The following RABGAP1L variants were observed in gnomAD, a reference collection of about 807,000 sequenced individuals.
RABGAP1L encodes RAB GTPase activating protein 1 like.
Under a neutral mutation model 137.7 loss-of-function variants are expected in RABGAP1L, and 63 were observed. The ratio of observed to expected loss-of-function variants is 0.46; its 90% CI spans 0.37 to 0.56. The LOEUF (loss-of-function observed/expected upper bound fraction) is 0.56. RABGAP1L is among the 20% of genes least tolerant of loss of function. The pLI is 0.00. For missense variants in RABGAP1L, 1,095 were observed against 1,244.0 expected, an observed-to-expected ratio of 0.88 and a Z score of 1.80; for synonymous variants, 431 against 433.7, an observed-to-expected ratio of 0.99 and a Z score of 0.08.
chr1:174,706,468 C>T (rs1007934225), intron 17 of RABGAP1L, among the ~76,000 whole-genome samples: 6 of 151,978 alleles, frequency 3.9e-5, no homozygotes, highest in African/African-American at 1.4e-4. Context: ...TTATTATCTG[C>T]CTTTATCTGT....
At chr1:174,224,393 C>T (rs1011857472) in intron 3 of RABGAP1L, among the ~76,000 whole-genome samples, 2 of 151,970 alleles carry the variant, frequency 1.3e-5, no homozygotes, top group Admixed American at 1.3e-4. Flanking sequence ...TGGCTTGAAC[C>T]CAGGAGGCGG....
chr1:174,391,580 G>A (rs1020043516), intron 12 of RABGAP1L, among the ~76,000 whole-genome samples: 13 of 152,088 alleles, frequency 8.5e-5, no homozygotes, highest in African/African-American at 2.7e-4. Flanking sequence ...GGGCTCAAAC[G>A]ATCCGCCTGC....
chr1:174,716,216 T>A (rs904219622), intron 17 of RABGAP1L, among the ~76,000 whole-genome samples: 2 of 152,198 alleles, frequency 1.3e-5, no homozygotes, highest in African/African-American at 4.8e-5. Flanking sequence ...AATCCACCGA[T>A]AGGGAGGGCA....
At position 174,496,357 on chromosome 1, in the gene RABGAP1L, G is replaced by A. The variant is rs1013047369; in HGVS notation, c.1710+102212G>A. Among the ~76,000 whole-genome samples, 4 of 152,154 alleles carry A rather than the reference G, an allele frequency of 2.6e-5. No individual in the cohort carries two copies. In the East Asian group the frequency reaches 7.7e-4, roughly 29 times the overall value. On this transcript the variant is annotated intron_variant, in intron 13 of 25. Coordinates refer to ENST00000681986, the MANE Select transcript of RABGAP1L (RefSeq NM_001366446.1). ...AAACAGGGAGGTATTGACAGTGATA[G>A]TGATAGTAATAGTGAAAACAGTCAG...
chr1:174,819,374 T>C (rs1690783709), intron 19 of RABGAP1L, among the ~76,000 whole-genome samples: 2 of 151,986 alleles, frequency 1.3e-5, no homozygotes, highest in Non-Finnish European at 2.9e-5. Flanking sequence ...AATTTCTTCT[T>C]TGAGCACCTA....
At chr1:174,600,885 C>T (rs1025049671) in intron 13 of RABGAP1L, among the ~76,000 whole-genome samples, 2 of 152,234 alleles carry the variant, frequency 1.3e-5, no homozygotes, top group African/African-American at 4.8e-5. Flanking sequence ...CCCCTGTGGG[C>T]ACTGCCTGTG....
chr1:174,789,042 T>G (rs1007598885), intron 18 of RABGAP1L, among the ~76,000 whole-genome samples: 1 of 152,060 alleles, frequency 6.6e-6, no homozygotes, highest in Non-Finnish European at 1.5e-5. Flanking sequence ...TTCTTCTCTT[T>G]CCTGAAGTAG....
chr1:174,941,335 A>G (rs1665830911), intron 19 of RABGAP1L, among the ~76,000 whole-genome samples: 1 of 152,204 alleles, frequency 6.6e-6, no homozygotes, highest in Non-Finnish European at 1.5e-5. Flanking sequence ...TGGCATTGGA[A>G]ATACCCTAAT....
At chr1:174,254,846 T>C (rs1672986936) in intron 7 of RABGAP1L, among the ~76,000 whole-genome samples, 1 of 152,340 alleles carries the variant, frequency 6.6e-6, no homozygotes, top group South Asian at 2.1e-4. Context: ...CCTTCAGGTA[T>C]ATACGCAGTA....
chr1:174,795,502 CTTTGT>C (rs1688180299), intron 18 of RABGAP1L, among the ~76,000 whole-genome samples: 1 of 152,132 alleles, frequency 6.6e-6, no homozygotes, highest in South Asian at 2.1e-4. Context: ...AGTCCTTTTC[CTTTGT>C]TTTATCACTT....
chr1:174,675,565 G>A (rs1018100922), intron 14 of RABGAP1L, among the ~76,000 whole-genome samples: 37 of 151,810 alleles, frequency 2.4e-4, no homozygotes, highest in East Asian at 2.1e-3. Flanking sequence ...TTGACTTGGC[G>A]ATGCGGGCTC....
At chr1:174,474,416 T>C (rs956049136) in intron 13 of RABGAP1L, among the ~76,000 whole-genome samples, 13 of 152,332 alleles carry the variant, frequency 8.5e-5, no homozygotes, top group Admixed American at 3.9e-4. Context: ...TACTTCCTTC[T>C]TACTACCTCT....
intron 19 of RABGAP1L, among the ~76,000 whole-genome samples, chr1:174,829,492 A>G (rs1053327592): frequency 2.0e-5 from 3 of 148,404 alleles, no homozygotes; most frequent in African/African-American, 7.4e-5. Flanking sequence ...GATGTTGTGG[A>G]TAACCAGATG....
At chr1:174,950,863 C>T (rs945798873) in intron 19 of RABGAP1L, among the ~76,000 whole-genome samples, 3 of 152,048 alleles carry the variant, frequency 2.0e-5, no homozygotes, top group African/African-American at 7.2e-5. Flanking sequence ...GTCATATCAG[C>T]CTTTAAAAAA....
intron 15 of RABGAP1L, among the ~76,000 whole-genome samples, chr1:174,691,854 G>A (rs952387112): frequency 2.6e-5 from 4 of 151,958 alleles, no homozygotes; most frequent in Non-Finnish European, 5.9e-5. Flanking sequence ...AGGTACCACC[G>A]TACTACCTCG....
chr1:174,573,191 G>A (rs2148056481), intron 13 of RABGAP1L, among the ~76,000 whole-genome samples: 1 of 150,510 alleles, frequency 6.6e-6, no homozygotes, highest in Admixed American at 6.6e-5. Context: ...TACACTATAT[G>A]TGTGTGTATA....
intron 13 of RABGAP1L, among the ~76,000 whole-genome samples, chr1:174,566,870 A>G (rs905855508): frequency 1.3e-5 from 2 of 152,104 alleles, no homozygotes; most frequent in Admixed American, 6.6e-5. Flanking sequence ...AAGAGTATGA[A>G]ACAACTATGT....
At chr1:174,763,248 G>A (rs532154904) in intron 18 of RABGAP1L, among the ~76,000 whole-genome samples, 1 of 152,206 alleles carries the variant, frequency 6.6e-6, no homozygotes, top group East Asian at 1.9e-4. Flanking sequence ...GCTGGGTGTG[G>A]TGGCTCATGC....
At chr1:174,601,957 G>C (rs544176475) in intron 13 of RABGAP1L, among the ~76,000 whole-genome samples, 1 of 152,180 alleles carries the variant, frequency 6.6e-6, no homozygotes, top group East Asian at 1.9e-4. Flanking sequence ...CTGAGACCAC[G>C]TAAGCCTGGA....
Sources: gnomAD v4.1 joint callset for allele counts (sites outside exome capture counted in the v4.1 genomes callset) on GRCh38, gnomAD v4.1.1 for gene constraint, MANE v1.5 for transcripts, NCBI Gene and HGNC (gene_info 2026-07-23, HGNC 2026-07-21) for gene names.